Variants in CSMD1 observed in about 807,000 individuals in gnomAD.
CSMD1 encodes the protein CUB and Sushi multiple domains 1.
Under a neutral mutation model 417.5 loss-of-function variants are expected in CSMD1, and 213 were observed. The observed-to-expected ratio is 0.51, with a 90% CI of 0.46 to 0.57. The LOEUF (loss-of-function observed/expected upper bound fraction) is 0.57, where lower values mean the gene tolerates loss of function less well. Among genes scored for constraint, CSMD1 ranks in the 20% least tolerant of loss-of-function variants. The pLI, the probability that CSMD1 is intolerant of heterozygous loss-of-function variation, is 0.00. For synonymous variants in CSMD1, 2,862 were observed against 1,736.8 expected (o/e 1.65, Z -16.11); for missense variants, 6,923 against 4,529.7 (o/e 1.53, Z -15.17).
intron 2 of CSMD1, among the ~76,000 whole-genome samples, chr8:4,458,493 G>A (rs139993277): frequency 1.3e-5 from 2 of 152,174 alleles, no homozygotes; most frequent in African/African-American, 2.4e-5. Flanking sequence ...TGCATATTAT[G>A]AGAAATAGAT....
chr8:3,155,807 T>A (rs1819493403), intron 39 of CSMD1, among the ~76,000 whole-genome samples: 1 of 152,224 alleles, frequency 6.6e-6, no homozygotes, highest in Admixed American at 6.5e-5. Context: ...TGTAAGCAAC[T>A]ATGATGTAGT....
chr8:4,034,903 C>T (rs576635771), intron 3 of CSMD1, among the ~76,000 whole-genome samples: 4 of 152,194 alleles, frequency 2.6e-5, no homozygotes, highest in African/African-American at 9.6e-5. Context: ...TAAAGATAAC[C>T]ACAATGACCA....
chr8:4,979,643 C>T (rs898340814), intron 1 of CSMD1, among the ~76,000 whole-genome samples: 1 of 152,282 alleles, frequency 6.6e-6, no homozygotes, highest in African/African-American at 2.4e-5. Context: ...TTGGAGCAGT[C>T]CTCACAAAAT....
intron 5 of CSMD1, among the ~76,000 whole-genome samples, chr8:3,939,436 A>G (rs554386229): frequency 4.5e-4 from 68 of 152,288 alleles, no homozygotes; most frequent in Non-Finnish European, 8.2e-4. Context: ...TACAACTACT[A>G]TGAAAGACAG....
intron 5 of CSMD1, among the ~76,000 whole-genome samples, chr8:3,761,155 A>T (rs1308054417): frequency 6.6e-6 from 1 of 152,178 alleles, no homozygotes; most frequent in Admixed American, 6.5e-5. Context: ...AGTTTATACA[A>T]CTGTTCCAAG....
chr8:3,125,829 T>A (rs1765181378), intron 41 of CSMD1, among the ~76,000 whole-genome samples: 1 of 152,024 alleles, frequency 6.6e-6, no homozygotes, highest in Non-Finnish European at 1.5e-5. Context: ...TTCCAAAAAT[T>A]AGCTGGGCGT....
chr8:4,313,893 A>C (rs1798770734), intron 3 of CSMD1, among the ~76,000 whole-genome samples: 1 of 152,030 alleles, frequency 6.6e-6, no homozygotes, highest in African/African-American at 2.4e-5. Flanking sequence ...GCACACCTGT[A>C]ATCCCAGCTA....
chr8:3,188,077 CATATGTAT>C (rs1796172234), intron 35 of CSMD1, 112 bp from the exon 36 acceptor site: 2 of 387,630 alleles, frequency 5.2e-6, no homozygotes, highest in East Asian at 4.9e-5. Flanking sequence ...TATATATATA[CATATGTAT>C]ATGTATATAT....
At chr8:3,404,539 T>G (rs1182739) in intron 15 of CSMD1, among the ~76,000 whole-genome samples, 127,031 of 151,842 alleles carry the variant, frequency 0.84, 53,350 homozygotes, top group South Asian at 0.87. Context: ...AGAATGTTAT[T>G]CCGAGGTATT....
chr8:3,962,616 C>G (rs1991280), intron 5 of CSMD1, among the ~76,000 whole-genome samples: 97,299 of 151,920 alleles, frequency 0.64, 31,604 homozygotes, highest in East Asian at 0.94. Flanking sequence ...AGGAGAGGAT[C>G]ATTGGCTGAA....
chr8:4,130,862 A>G (rs1426329543), intron 3 of CSMD1, among the ~76,000 whole-genome samples: 1 of 147,196 alleles, frequency 6.8e-6, no homozygotes, highest in Non-Finnish European at 1.5e-5. Context: ...TATTTAACTT[A>G]GAAAGAGTGT....
intron 5 of CSMD1, among the ~76,000 whole-genome samples, chr8:3,884,055 T>A (rs1338548157): frequency 1.3e-5 from 2 of 152,208 alleles, no homozygotes; most frequent in African/African-American, 4.8e-5. Context: ...AACTTCTCTA[T>A]CAGTGTTTCA....
At chr8:4,353,896 G>T (rs1416144397) in intron 3 of CSMD1, among the ~76,000 whole-genome samples, 2 of 152,160 alleles carry the variant, frequency 1.3e-5, no homozygotes, top group Non-Finnish European at 2.9e-5. Flanking sequence ...AAAAGAGCAT[G>T]TTCAGCAAGC....
chr8:4,494,006 T>C (rs948686699), intron 2 of CSMD1, among the ~76,000 whole-genome samples: 4 of 152,146 alleles, frequency 2.6e-5, no homozygotes, highest in Admixed American at 1.3e-4. Context: ...CACATAGATA[T>C]AGGAGAAGAC....
chr8:2,975,359 C>G (rs1159628024), intron 55 of CSMD1, among the ~76,000 whole-genome samples: 1 of 152,094 alleles, frequency 6.6e-6, no homozygotes, highest in Non-Finnish European at 1.5e-5. Context: ...CAAATGAGGG[C>G]TAGCAATGGA....
intron 1 of CSMD1, among the ~76,000 whole-genome samples, chr8:4,718,304 C>A (rs368823422): frequency 2.6e-5 from 4 of 152,140 alleles, no homozygotes; most frequent in Admixed American, 1.3e-4. Flanking sequence ...TTTTAAAAAA[C>A]ATATATAACG....
chr8:2,999,567 T>G (rs1807216405), intron 53 of CSMD1, among the ~76,000 whole-genome samples: 1 of 152,190 alleles, frequency 6.6e-6, no homozygotes, highest in Admixed American at 6.5e-5. Context: ...CCGCTGTTTC[T>G]AGGACTGCAA....
chr8:4,142,273 G>T (rs570766663), intron 3 of CSMD1, among the ~76,000 whole-genome samples: 5 of 151,096 alleles, frequency 3.3e-5, no homozygotes, highest in Admixed American at 2.0e-4. Flanking sequence ...TTCTACTCTT[G>T]GTATAAGGTA....
intron 49 of CSMD1, among the ~76,000 whole-genome samples, chr8:3,063,396 A>T (rs1812718646): frequency 6.6e-6 from 1 of 152,226 alleles, no homozygotes; most frequent in Non-Finnish European, 1.5e-5. Context: ...GTGTACTGTC[A>T]ATAGGACTGT....
Sources: gnomAD v4.1 joint callset for allele counts (sites outside exome capture counted in the v4.1 genomes callset) on GRCh38, gnomAD v4.1.1 for gene constraint, MANE v1.5 for transcripts, NCBI Gene and HGNC (gene_info 2026-07-23, HGNC 2026-07-21) for gene names.